The following EXOC6B variants were observed in gnomAD, a reference collection of about 807,000 sequenced individuals.
EXOC6B encodes the protein SEC15 homolog B.
In EXOC6B, 54 loss-of-function variants were observed where a neutral mutation model predicts 113.5. That is an observed-to-expected ratio of 0.48 (90% CI 0.38 to 0.60). The LOEUF (loss-of-function observed/expected upper bound fraction) is 0.60, where lower values mean the gene tolerates loss of function less well. EXOC6B is among the 20% of genes least tolerant of loss of function. The pLI is 0.00. For synonymous variants in EXOC6B, 357 were observed against 339.0 expected, an observed-to-expected ratio of 1.05 and a Z score of -0.58; for missense variants, 797 against 977.5, an observed-to-expected ratio of 0.82 and a Z score of 2.46.
intron 20 of EXOC6B, among the ~76,000 whole-genome samples, chr2:72,264,400 G>T (rs976378118): frequency 6.6e-6 from 1 of 151,920 alleles, no homozygotes; most frequent in South Asian, 2.1e-4. Flanking sequence ...GTGAAACCCC[G>T]TCTCTACAAA....
chr2:72,315,139 G>A (rs1687434711), intron 20 of EXOC6B, among the ~76,000 whole-genome samples: 2 of 152,132 alleles, frequency 1.3e-5, no homozygotes, highest in Admixed American at 6.5e-5. Flanking sequence ...TGAACTTTAA[G>A]TGACTTGAAT....
chr2:72,803,668 A>C (rs1049776979), intron 1 of EXOC6B, among the ~76,000 whole-genome samples: 7 of 152,224 alleles, frequency 4.6e-5, no homozygotes, highest in Non-Finnish European at 1.0e-4. Flanking sequence ...TTCACTTAAA[A>C]TTATTGCATC....
At chr2:72,304,386 C>T (rs2104765842) in intron 20 of EXOC6B, among the ~76,000 whole-genome samples, 1 of 152,230 alleles carries the variant, frequency 6.6e-6, no homozygotes, top group East Asian at 1.9e-4. Context: ...TTGGTAATTA[C>T]TCAAGCTGTC....
Position 72,806,421 on chromosome 2 carries a change from A to G in EXOC6B, c.113+19377T>C, listed in dbSNP as rs371037020. On this transcript the variant is annotated intron_variant, in intron 1 of 21. Coordinates refer to ENST00000272427, the MANE Select transcript of EXOC6B (RefSeq NM_015189.3). ...ACATGTACCACCTTTTCTTTATCCA[A>G]TCCACCACTGATGGGCAAAGACCAA... is the stretch of plus-strand genomic sequence containing the variant. Among the ~76,000 whole-genome samples, 25 of 152,246 alleles carry G rather than the reference A, an allele frequency of 1.6e-4. 1 individual carries two copies. The East Asian group carries it at 3.7e-3, about 22-fold the overall frequency.
At chr2:72,780,060 T>A (rs1233335011) in intron 1 of EXOC6B, among the ~76,000 whole-genome samples, 2 of 152,226 alleles carry the variant, frequency 1.3e-5, no homozygotes, top group African/African-American at 4.8e-5. Context: ...TTGTTTAAGT[T>A]AATTCACACT....
At chr2:72,761,847 A>G (rs1464253729) in intron 1 of EXOC6B, among the ~76,000 whole-genome samples, 1 of 152,090 alleles carries the variant, frequency 6.6e-6, no homozygotes, top group Non-Finnish European at 1.5e-5. Flanking sequence ...GGATGGTAGC[A>G]TATGCCTGTA....
intron 18 of EXOC6B, among the ~76,000 whole-genome samples, chr2:72,454,404 C>T (rs189149144): frequency 2.6e-5 from 4 of 152,170 alleles, no homozygotes; most frequent in East Asian, 3.9e-4. Flanking sequence ...CTTTGCAGGG[C>T]TGTTGTGGGC....
intron 8 of EXOC6B, among the ~76,000 whole-genome samples, chr2:72,523,045 A>G (rs1178733097): frequency 6.6e-6 from 1 of 152,188 alleles, no homozygotes; most frequent in Non-Finnish European, 1.5e-5. Context: ...ATTCTTCTCC[A>G]TGTGTCCAGA....
At chr2:72,606,373 C>G (rs757217479) in intron 6 of EXOC6B, among the ~76,000 whole-genome samples, 1 of 151,956 alleles carries the variant, frequency 6.6e-6, no homozygotes, top group East Asian at 1.9e-4. Flanking sequence ...ATTAAACAGG[C>G]CTATGAAGTA....
intron 20 of EXOC6B, among the ~76,000 whole-genome samples, chr2:72,334,437 C>A (rs1224870199): frequency 1.3e-5 from 2 of 152,098 alleles, no homozygotes; most frequent in African/African-American, 4.8e-5. Context: ...TTACCCATGG[C>A]TGACAACATT....
chr2:72,274,952 C>CA (rs1385101216), intron 20 of EXOC6B, among the ~76,000 whole-genome samples: 4 of 152,208 alleles, frequency 2.6e-5, no homozygotes, highest in Middle Eastern at 3.4e-3. Context: ...GATAAGAAGA[C>CA]AGAGGCAACA....
chr2:72,699,254 T>C (rs939913669), intron 6 of EXOC6B, among the ~76,000 whole-genome samples: 1 of 151,532 alleles, frequency 6.6e-6, no homozygotes, highest in African/African-American at 2.4e-5. Flanking sequence ...CCAAGGCGGG[T>C]GGATCACGAG....
At chr2:72,266,494 C>A (rs1044441126) in intron 20 of EXOC6B, among the ~76,000 whole-genome samples, 1 of 151,892 alleles carries the variant, frequency 6.6e-6, no homozygotes, top group African/African-American at 2.4e-5. Flanking sequence ...TTTCCCAGCA[C>A]CATTTGTTAA....
chr2:72,668,495 A>C (rs760718424), intron 6 of EXOC6B, among the ~76,000 whole-genome samples: 3 of 152,184 alleles, frequency 2.0e-5, no homozygotes, highest in South Asian at 2.1e-4. Flanking sequence ...TAGTTACAAC[A>C]GCAAAAAAAT....
intron 1 of EXOC6B, among the ~76,000 whole-genome samples, chr2:72,812,809 A>G (rs1240253368): frequency 6.6e-6 from 1 of 152,180 alleles, no homozygotes; most frequent in Non-Finnish European, 1.5e-5. Flanking sequence ...GATAAAGAAG[A>G]ATCAGTCTAC....
intron 20 of EXOC6B, among the ~76,000 whole-genome samples, chr2:72,331,834 G>A (rs1380264150): frequency 6.6e-6 from 1 of 152,060 alleles, no homozygotes; most frequent in Non-Finnish European, 1.5e-5. Flanking sequence ...TTTCTCTTAA[G>A]AAGTAGAAAA....
chr2:72,177,948 G>A lies in EXOC6B; in HGVS notation c.*1387C>T, dbSNP rs952024718. ...TCTTAAAGTACAGTTTCCCCCGACT[G>A]ACCTCATAGCAAAGCCCTTGCGTTA... is the stretch of plus-strand genomic sequence containing the variant. On this transcript the variant is annotated 3_prime_UTR_variant, in exon 22 of 22. Transcript: ENST00000272427. The A allele has an allele frequency of 6.6e-6, 1 of 152,174 alleles. No homozygotes were observed. 9.4% of individuals were successfully genotyped at this position (152,174 alleles called of 1,614,324 possible).
intron 17 of EXOC6B, among the ~76,000 whole-genome samples, chr2:72,479,361 A>G (rs1698939483): frequency 6.6e-6 from 1 of 152,232 alleles, no homozygotes; most frequent in Non-Finnish European, 1.5e-5. Context: ...GTCATAAAGT[A>G]TAATAGCAGT....
At chr2:72,803,903 T>C (rs1335089783) in intron 1 of EXOC6B, among the ~76,000 whole-genome samples, 4 of 152,178 alleles carry the variant, frequency 2.6e-5, no homozygotes, top group Admixed American at 1.3e-4. Context: ...AGCACAACTG[T>C]ACAAAGAAAC....
Sources: gnomAD v4.1 joint callset for allele counts (sites outside exome capture counted in the v4.1 genomes callset) on GRCh38, gnomAD v4.1.1 for gene constraint, MANE v1.5 for transcripts, NCBI Gene and HGNC (gene_info 2026-07-23, HGNC 2026-07-21) for gene names.